The following WDR44 variants were observed in gnomAD, a reference collection of about 807,000 sequenced individuals.
WDR44 encodes WD repeat domain 44.
Under a neutral mutation model 65.7 loss-of-function variants are expected in WDR44, and 9 were observed. The ratio of observed to expected loss-of-function variants is 0.14; its 90% CI spans 0.08 to 0.24. The LOEUF (loss-of-function observed/expected upper bound fraction) is 0.24. Ranked by LOEUF, WDR44 falls within the 10% of genes least tolerant of loss-of-function variation. The pLI is 1.00. For synonymous variants in WDR44, 220 were observed against 235.2 expected, an observed-to-expected ratio of 0.94 and a Z score of 0.59; for missense variants, 425 against 670.9, an observed-to-expected ratio of 0.63 and a Z score of 4.05.
At chrX:118,355,947 A>G (rs926962690) in intron 1 of WDR44, among the ~76,000 whole-genome samples, 3 of 112,031 alleles carry the variant, frequency 2.7e-5, no homozygotes, top group Non-Finnish European at 5.6e-5. Flanking sequence ...AAATGTTAAC[A>G]GTAAAACCTT....
intron 1 of WDR44, among the ~76,000 whole-genome samples, chrX:118,360,478 T>A (rs1274312953): frequency 6.2e-5 from 7 of 112,194 alleles, no homozygotes; most frequent in Non-Finnish European, 1.3e-4. Context: ...TCTTGTTAAG[T>A]GTTTCCTGAG....
rs186122189 is a variant in WDR44 at position 118,372,597 on chromosome X, A to G, written c.78-5822A>G. 3.3e-3 allele frequency among the ~76,000 whole-genome samples: 368 copies of G among 111,888 alleles called. 2 individuals carry two copies. Among genetic ancestry groups the G allele is most frequent in the African/African-American group, 0.012 (356 of 30,862 alleles). ...CTCTGAACAGTTCAATAAAAAAAAAAGTGCCACAAAGTTCAAAATAAGATT... is the reference window on the plus strand; with the variant it reads ...CTCTGAACAGTTCAATAAAAAAAAAGGTGCCACAAAGTTCAAAATAAGATT... On this transcript the variant is annotated intron_variant, in intron 1 of 19. Coordinates refer to ENST00000254029, the MANE Select transcript of WDR44 (RefSeq NM_019045.5).
intron 19 of WDR44, among the ~76,000 whole-genome samples, chrX:118,445,539 A>G (rs2057338795): frequency 8.9e-6 from 1 of 112,226 alleles, no homozygotes; most frequent in Non-Finnish European, 1.9e-5. Flanking sequence ...ATTAAACCCA[A>G]ATGAAGCAGG....
At chrX:118,391,502 T>C (rs760166478) in intron 3 of WDR44, among the ~76,000 whole-genome samples, 1 of 112,075 alleles carries the variant, frequency 8.9e-6, no homozygotes, top group African/African-American at 3.2e-5. Flanking sequence ...ATTAGGATGG[T>C]TCTATGATGC....
chrX:118,436,638 T>G, intron 13 of WDR44, 64 bp from the exon 14 acceptor site: 1 of 1,147,941 alleles, frequency 8.7e-7, no homozygotes, highest in Admixed American at 2.4e-5. Context: ...AAGTTCACTT[T>G]TATTGTATAA....
rs1556123900 is a variant in WDR44, at chrX:118,424,265, T to TA, written c.1738-8516_1738-8515insA. On this transcript the variant is annotated intron_variant, in intron 12 of 19. Coordinates refer to ENST00000254029, the MANE Select transcript of WDR44 (RefSeq NM_019045.5). ...CACATCTTCACTAATACTTGTTATC[T>TA]TATATATATATATATATGTGTGTGT... is the stretch of plus-strand genomic sequence containing the variant. Among the ~76,000 whole-genome samples, 555 of 77,208 alleles carry TA rather than the reference T, an allele frequency of 7.2e-3. 7 individuals are homozygous for TA. Among genetic ancestry groups the TA allele is most frequent in the African/African-American group, 0.035 (538 of 15,290 alleles). 67.0% of individuals were successfully genotyped at this position (77,208 alleles called of 115,157 possible). A position where few individuals can be genotyped will look rare whatever the true frequency, so the allele number is the denominator to read the frequency against.
At chrX:118,435,872 G>A (rs756557968) in intron 13 of WDR44, among the ~76,000 whole-genome samples, 16 of 112,182 alleles carry the variant, frequency 1.4e-4, no homozygotes, top group African/African-American at 4.9e-4. Flanking sequence ...TATATAATGC[G>A]AAGAACAATG....
chrX:118,433,433 C>T (rs1170574122), intron 13 of WDR44, among the ~76,000 whole-genome samples: 1 of 111,205 alleles, frequency 9.0e-6, no homozygotes, highest in Non-Finnish European at 1.9e-5. Context: ...ACTATACCTG[C>T]TATGTACCAA....
intron 1 of WDR44, among the ~76,000 whole-genome samples, chrX:118,371,576 T>C (rs1341797744): frequency 8.9e-6 from 1 of 111,816 alleles, no homozygotes; most frequent in African/African-American, 3.2e-5. Context: ...TTTCTGCTGT[T>C]AGGTGAGCAA....
At chrX:118,369,152 A>G (rs1326829216) in intron 1 of WDR44, among the ~76,000 whole-genome samples, 1 of 111,897 alleles carries the variant, frequency 8.9e-6, no homozygotes, top group Admixed American at 9.5e-5. Flanking sequence ...GTACTAGTGT[A>G]TGAAAATAAC....
At chrX:118,447,358 T>A (rs1004675312) in intron 19 of WDR44, among the ~76,000 whole-genome samples, 3 of 111,213 alleles carry the variant, frequency 2.7e-5, no homozygotes, top group African/African-American at 9.8e-5. Flanking sequence ...CTGGGTCCTT[T>A]TTTAAGAGGC....
rs1277422915 is a variant in WDR44 at position 118,444,357 on chromosome X, C to T, written c.2513-3C>T. 2 of 1,199,020 alleles carry T rather than the reference C, an allele frequency of 1.7e-6. No individual in the cohort carries two copies. Among genetic ancestry groups the T allele is most frequent in the Non-Finnish European group, 2.2e-6 (2 of 889,076 alleles). Reference sequence around the variant, plus strand: ...GTTATCCTGAAGTAAATTTTTTCCACAGCCCACAATGCAGTTGTTACATCA... The same window carrying T: ...GTTATCCTGAAGTAAATTTTTTCCATAGCCCACAATGCAGTTGTTACATCA... On this transcript the variant is annotated splice_region_variant and splice_polypyrimidine_tract_variant and intron_variant, in intron 18 of 19. Transcript: ENST00000254029.
At chrX:118,397,730 G>T (rs1247769762) in intron 7 of WDR44, among the ~76,000 whole-genome samples, 1 of 111,820 alleles carries the variant, frequency 8.9e-6, no homozygotes, top group Non-Finnish European at 1.9e-5. Context: ...TAAATGTAAT[G>T]CAGGATGTAC....
chrX:118,389,210 A>G (rs1046729094), intron 3 of WDR44, among the ~76,000 whole-genome samples: 7 of 112,265 alleles, frequency 6.2e-5, no homozygotes, highest in African/African-American at 2.3e-4. Context: ...GGCTATGGGG[A>G]TATACCCTGG....
At position 118,415,815 on chromosome X, in the gene WDR44, G is replaced by GT. The variant is rs955045218; in HGVS notation, c.1737+4864dup. On this transcript the variant is annotated intron_variant, in intron 12 of 19. Coordinates refer to ENST00000254029, the MANE Select transcript of WDR44 (RefSeq NM_019045.5). ...CATCGTGCCCAGCCAGTCCTGGACT[G>GT]TTTTTTTTGTTGATAATTTTTAAAT... is the stretch of plus-strand genomic sequence containing the variant. Among the ~76,000 whole-genome samples the GT allele has an allele frequency of 2.3e-4, 26 of 111,310 alleles. 2 individuals carry two copies. The highest frequency in any genetic ancestry group is 1.8e-3 in the Admixed American group (19 of 10,467).
chrX:118,424,517 A>G (rs1487744417), intron 12 of WDR44, among the ~76,000 whole-genome samples: 1 of 107,735 alleles, frequency 9.3e-6, no homozygotes, highest in African/African-American at 3.4e-5. Context: ...TCCTTTGCCT[A>G]TTTTAAAAAT....
intron 1 of WDR44, among the ~76,000 whole-genome samples, chrX:118,375,590 A>G (rs759590058): frequency 9.2e-6 from 1 of 108,814 alleles, no homozygotes; most frequent in East Asian, 2.8e-4. Flanking sequence ...TTGCACTTGT[A>G]TTATTTAAGA....
At chrX:118,409,410 G>A (rs1318827855) in intron 10 of WDR44, 79 bp from the exon 11 acceptor site, 7 of 1,085,041 alleles carry the variant, frequency 6.5e-6, no homozygotes, top group Admixed American at 2.7e-5. Flanking sequence ...GATTACAGAC[G>A]TGAGCCACCA....
chrX:118,377,103 A>G (rs2056667302), intron 1 of WDR44, among the ~76,000 whole-genome samples: 1 of 111,493 alleles, frequency 9.0e-6, no homozygotes, highest in Admixed American at 9.6e-5. Context: ...CGTTCCTGTA[A>G]TCTCAGTACT....
Sources: allele counts gnomAD v4.1 joint callset (sites outside exome capture counted in the v4.1 genomes callset), GRCh38; gene constraint gnomAD v4.1.1; transcripts MANE v1.5; gene names NCBI Gene and HGNC (gene_info 2026-07-23, HGNC 2026-07-21).